Variants in LYPD6B observed in about 807,000 individuals in gnomAD.
LYPD6B encodes LY6/PLAUR domain containing 6B.
Under a neutral mutation model 22.8 loss-of-function variants are expected in LYPD6B, and 17 were observed. That is an observed-to-expected ratio of 0.75 (90% CI 0.51 to 1.12). The LOEUF (loss-of-function observed/expected upper bound fraction) is 1.12. Ranked by LOEUF, LYPD6B falls within the 50% of genes most tolerant of loss-of-function variation. The pLI is 0.00. For synonymous variants in LYPD6B, 106 were observed against 91.6 expected (o/e 1.16, Z -0.90); for missense variants, 221 against 258.3 (o/e 0.86, Z 0.99).
chr2:149,106,852 A>G (rs760657542), intron 1 of LYPD6B, among the ~76,000 whole-genome samples: 3 of 148,590 alleles, frequency 2.0e-5, no homozygotes, highest in Non-Finnish European at 4.5e-5. Context: ...TCTTTTTTTT[A>G]CTCTCTTAAA....
intron 1 of LYPD6B, among the ~76,000 whole-genome samples, chr2:149,103,194 A>C (rs1686295587): frequency 6.6e-6 from 1 of 152,208 alleles, no homozygotes; most frequent in Non-Finnish European, 1.5e-5. Context: ...AGCAGTTGGC[A>C]CAAACATGGT....
chr2:149,194,745 C>T (rs915412441), intron 3 of LYPD6B, among the ~76,000 whole-genome samples: 1 of 152,202 alleles, frequency 6.6e-6, no homozygotes, highest in African/African-American at 2.4e-5. Context: ...GGAAAGGGAA[C>T]TATGTGAGCA....
At chr2:149,128,135 T>C (rs1357401263) in intron 1 of LYPD6B, among the ~76,000 whole-genome samples, 1 of 146,994 alleles carries the variant, frequency 6.8e-6, no homozygotes, top group African/African-American at 2.7e-5. Context: ...AATCTTTTTG[T>C]TTTTTCTTCT....
intron 1 of LYPD6B, among the ~76,000 whole-genome samples, chr2:149,099,831 A>T (rs1029561979): frequency 6.6e-6 from 1 of 152,176 alleles, no homozygotes; most frequent in African/African-American, 2.4e-5. Flanking sequence ...GACTATGATG[A>T]GAGTTAGACC....
At chr2:149,127,169 C>G (rs971655681) in intron 1 of LYPD6B, among the ~76,000 whole-genome samples, 11 of 151,434 alleles carry the variant, frequency 7.3e-5, no homozygotes, top group African/African-American at 2.7e-4. Flanking sequence ...TAGTAATATT[C>G]TATGTCTGAG....
Position 149,182,297 on chromosome 2 carries a change from C to A in LYPD6B, c.77+21462C>A, listed in dbSNP as rs116414011. ...TTAATGCATCATCAGTTTTTTGGGT[C>A]GAAGAGTTTTCATATAGTTTAAAAC... is the stretch of plus-strand genomic sequence containing the variant. On this transcript the variant is annotated intron_variant, in intron 3 of 6. Transcript: ENST00000409642. Among the ~76,000 whole-genome samples, 378 of 152,166 alleles carry A rather than the reference C, an allele frequency of 2.5e-3. 3 individuals are homozygous for A. Among genetic ancestry groups the A allele is most frequent in the African/African-American group, 8.8e-3 (364 of 41,516 alleles).
intron 1 of LYPD6B, among the ~76,000 whole-genome samples, chr2:149,109,413 T>G (rs1354268200): frequency 2.0e-5 from 3 of 152,206 alleles, no homozygotes; most frequent in Non-Finnish European, 2.9e-5. Context: ...CTGTGCACAA[T>G]TTGCCCTTTT....
chr2:149,069,680 T>C (rs995073426), intron 1 of LYPD6B, among the ~76,000 whole-genome samples: 1 of 152,162 alleles, frequency 6.6e-6, no homozygotes, highest in African/African-American at 2.4e-5. Context: ...AATTTCAACA[T>C]TCCTGTCTCC....
At chr2:149,175,368 TA>T (rs1691220395) in intron 3 of LYPD6B, among the ~76,000 whole-genome samples, 1 of 152,016 alleles carries the variant, frequency 6.6e-6, no homozygotes, top group African/African-American at 2.4e-5. Flanking sequence ...GTATGAAAGA[TA>T]AAAAATGGTA....
intron 1 of LYPD6B, among the ~76,000 whole-genome samples, chr2:149,118,773 C>T (rs1687134473): frequency 6.6e-6 from 1 of 152,140 alleles, no homozygotes; most frequent in South Asian, 2.1e-4. Context: ...TATTCAAGAT[C>T]ATGTAGTGAA....
At chr2:149,040,580 C>A (rs10182197) in intron 1 of LYPD6B, among the ~76,000 whole-genome samples, 1 of 152,070 alleles carries the variant, frequency 6.6e-6, no homozygotes, top group South Asian at 2.1e-4. Flanking sequence ...GCCATCTCAG[C>A]AGACAGGGAG....
intron 3 of LYPD6B, chr2:149,187,611 T>C: frequency 8.5e-7 from 1 of 1,181,162 alleles, no homozygotes; most frequent in Non-Finnish European, 1.1e-6. Flanking sequence ...GTTGAGTAAC[T>C]GAATAAACGT....
intron 1 of LYPD6B, among the ~76,000 whole-genome samples, chr2:149,125,783 A>G (rs1236230854): frequency 2.0e-5 from 3 of 152,216 alleles, no homozygotes; most frequent in Non-Finnish European, 4.4e-5. Flanking sequence ...AAAAATACTC[A>G]TTTAAGATTA....
chr2:149,120,381 ATATT>A (rs1313132767), intron 1 of LYPD6B, among the ~76,000 whole-genome samples: 14 of 43,488 alleles, frequency 3.2e-4, no homozygotes, highest in Non-Finnish European at 4.7e-4. Context: ...ATATATATAT[ATATT>A]TTTTTTTTTT....
chr2:149,158,101 T>A (rs1179044351), intron 2 of LYPD6B, among the ~76,000 whole-genome samples: 1 of 152,212 alleles, frequency 6.6e-6, no homozygotes, highest in Non-Finnish European at 1.5e-5. Context: ...TTTAACAGAC[T>A]TTTGTTTTCT....
chr2:149,048,952 A>G (rs1683428994), intron 1 of LYPD6B, among the ~76,000 whole-genome samples: 1 of 152,184 alleles, frequency 6.6e-6, no homozygotes, highest in African/African-American at 2.4e-5. Flanking sequence ...TTCAATTAAT[A>G]TACGTCAGGA....
chr2:149,210,075 T>C (rs557657069), intron 5 of LYPD6B, among the ~76,000 whole-genome samples: 20 of 152,324 alleles, frequency 1.3e-4, no homozygotes, highest in Middle Eastern at 3.4e-3. Context: ...GCGGCACTGA[T>C]GTCCAACCTG....
chr2:149,174,653 G>C (rs1691125185), intron 3 of LYPD6B, among the ~76,000 whole-genome samples: 1 of 152,096 alleles, frequency 6.6e-6, no homozygotes, highest in Non-Finnish European at 1.5e-5. Context: ...TGTAGTTTTT[G>C]TCTTTAGTTC....
intron 1 of LYPD6B, among the ~76,000 whole-genome samples, chr2:149,102,779 G>A (rs1168887786): frequency 5.3e-5 from 8 of 152,046 alleles, no homozygotes; most frequent in South Asian, 2.1e-4. Context: ...AAAGGTGCCC[G>A]CCACCATACC....
Sources: gnomAD v4.1 joint callset for allele counts (sites outside exome capture counted in the v4.1 genomes callset) on GRCh38, gnomAD v4.1.1 for gene constraint, MANE v1.5 for transcripts, NCBI Gene and HGNC (gene_info 2026-07-23, HGNC 2026-07-21) for gene names.